C1QTNF3: variants seen among roughly 807,000 people sequenced by gnomAD.
C1QTNF3 encodes the protein C1q and TNF related 3.
Under a neutral mutation model 32.6 loss-of-function variants are expected in C1QTNF3, and 26 were observed. That is an observed-to-expected ratio of 0.80 (90% confidence interval 0.58 to 1.11). C1QTNF3 has a LOEUF of 1.11. Among genes scored for constraint, C1QTNF3 ranks in the 50% least tolerant of loss-of-function variants. The pLI, the probability that C1QTNF3 is intolerant of heterozygous loss-of-function variation, is 0.00. For synonymous variants in C1QTNF3, 155 were observed against 146.0 expected, an observed-to-expected ratio of 1.06 and a Z score of -0.44; for missense variants, 362 against 398.2, an observed-to-expected ratio of 0.91 and a Z score of 0.77.
chr5:34,047,106 C>T (rs2112131381), upstream of C1QTNF3, among the ~76,000 whole-genome samples: 1 of 152,288 alleles, frequency 6.6e-6, no homozygotes, highest in Non-Finnish European at 1.5e-5. Context: ...CTAGAATCTG[C>T]CCCAGGCAAC....
chr5:34,070,205 G>T, the C1QTNF3 span, among the ~76,000 whole-genome samples: 2 of 151,962 alleles, frequency 1.3e-5, no homozygotes, highest in Non-Finnish European at 2.9e-5. Context: ...CTTCTATCTC[G>T]TTGGAGTGAA....
the C1QTNF3 span, among the ~76,000 whole-genome samples, chr5:34,243,909 T>C: frequency 6.6e-6 from 1 of 152,014 alleles, no homozygotes; most frequent in Admixed American, 6.6e-5. Context: ...AATCTGCATA[T>C]GCACTATCTG....
the C1QTNF3 span, among the ~76,000 whole-genome samples, chr5:34,164,166 G>A: frequency 1.3e-5 from 2 of 152,130 alleles, no homozygotes; most frequent in African/African-American, 4.8e-5. Flanking sequence ...TGAGTTGGCA[G>A]GTGGTTAAAG....
At chr5:34,101,186 A>C in the C1QTNF3 span, among the ~76,000 whole-genome samples, 1 of 151,922 alleles carries the variant, frequency 6.6e-6, no homozygotes, top group Non-Finnish European at 1.5e-5. Flanking sequence ...TAATTAGTCA[A>C]TATATCAACC....
the C1QTNF3 span, among the ~76,000 whole-genome samples, chr5:34,053,475 CCTGT>C: frequency 6.6e-6 from 1 of 152,216 alleles, no homozygotes; most frequent in Non-Finnish European, 1.5e-5. Flanking sequence ...GAGCCATTTG[CCTGT>C]CTGTCTGCAT....
the C1QTNF3 span, among the ~76,000 whole-genome samples, chr5:34,188,308 C>G: frequency 2.0e-5 from 3 of 152,304 alleles, no homozygotes; most frequent in African/African-American, 7.2e-5. Context: ...AGCCCCCACA[C>G]AGAGTCCCCA....
chr5:34,220,396 C>T, the C1QTNF3 span, among the ~76,000 whole-genome samples: 1,645 of 151,858 alleles, frequency 0.011, 32 homozygotes, highest in African/African-American at 0.038. Context: ...TGTCAATGAT[C>T]GTCCTTCTCT....
Position 34,033,327 on chromosome 5 carries a change from G to T in C1QTNF3, c.547C>A (p.Pro183Thr). 2 of 1,613,688 alleles carry T rather than the reference G, an allele frequency of 1.2e-6. No individual in the cohort carries two copies. Among genetic ancestry groups the T allele is most frequent in the Non-Finnish European group, 8.5e-7 (1 of 1,179,838 alleles). The change falls in exon 3 of 6, where the codon CCG becomes ACG. Residue 183 changes from proline (P) to threonine (T), a missense_variant. By Grantham distance (38) the Pro-to-Thr change is conservative. Transcript: ENST00000382065. ...ACCTGAAGTTCTGGTGGAATCCCCG[G>T]GTAGCCCTTCTCTCCTTTGGGGCCA... ...QHGPKGEKGY[P>T]GIPPELQIAF... is the part of the protein sequence containing the mutation.
the C1QTNF3 span, among the ~76,000 whole-genome samples, chr5:34,074,217 C>G: frequency 2.7e-5 from 4 of 148,968 alleles, 1 homozygote; most frequent in African/African-American, 1.0e-4. Flanking sequence ...CACGTGTCTA[C>G]AAGAAAGATA....
chr5:34,104,739 C>A, the C1QTNF3 span, among the ~76,000 whole-genome samples: 1 of 136,922 alleles, frequency 7.3e-6, no homozygotes, highest in Non-Finnish European at 1.5e-5. Flanking sequence ...GATTTCACCA[C>A]GTTGCCAGGC....
At chr5:34,215,827 C>G in the C1QTNF3 span, among the ~76,000 whole-genome samples, 2 of 152,168 alleles carry the variant, frequency 1.3e-5, no homozygotes, top group Non-Finnish European at 2.9e-5. Context: ...TAGATGGGAT[C>G]TCACTATGTT....
At chr5:34,071,785 A>T in the C1QTNF3 span, among the ~76,000 whole-genome samples, 21 of 152,236 alleles carry the variant, frequency 1.4e-4, no homozygotes, top group South Asian at 4.2e-3. Context: ...AGAAGAAAGA[A>T]ATATTGCTGA....
the C1QTNF3 span, among the ~76,000 whole-genome samples, chr5:34,082,635 CA>C: frequency 6.6e-6 from 1 of 151,662 alleles, no homozygotes; most frequent in African/African-American, 2.4e-5. Context: ...GACTTCTGTT[CA>C]AGTACTGTAG....
the C1QTNF3 span, among the ~76,000 whole-genome samples, chr5:34,230,005 A>G: frequency 6.6e-6 from 1 of 152,164 alleles, no homozygotes; most frequent in Non-Finnish European, 1.5e-5. Flanking sequence ...ACACAGAGAG[A>G]AGGAGGCCAT....
chr5:34,145,361 T>A, the C1QTNF3 span, among the ~76,000 whole-genome samples: 2 of 152,040 alleles, frequency 1.3e-5, no homozygotes, highest in Non-Finnish European at 2.9e-5. Flanking sequence ...CAGACTACTA[T>A]GAACAACTCT....
chr5:34,197,545 C>T, the C1QTNF3 span, among the ~76,000 whole-genome samples: 1 of 151,982 alleles, frequency 6.6e-6, no homozygotes, highest in African/African-American at 2.4e-5. Context: ...TTAAAAATTA[C>T]CCTAAAACTT....
At chr5:34,174,840 T>C in the C1QTNF3 span, among the ~76,000 whole-genome samples, 103,455 of 151,750 alleles carry the variant, frequency 0.68, 35,513 homozygotes, top group Non-Finnish European at 0.69. Flanking sequence ...CCTGGGTTCA[T>C]GCCATTTCCT....
the C1QTNF3 span, among the ~76,000 whole-genome samples, chr5:34,071,220 C>G: frequency 1.3e-5 from 2 of 152,120 alleles, no homozygotes; most frequent in African/African-American, 4.8e-5. Context: ...AAACTTTCCA[C>G]CCTATAAGTG....
chr5:34,040,304 G>A (rs530895966), intron 1 of C1QTNF3, among the ~76,000 whole-genome samples: 2 of 152,252 alleles, frequency 1.3e-5, no homozygotes, highest in African/African-American at 4.8e-5. Flanking sequence ...TGCAGATGGA[G>A]GCCTAGGGGT....
Sources: allele counts gnomAD v4.1 joint callset (sites outside exome capture counted in the v4.1 genomes callset), GRCh38; gene constraint gnomAD v4.1.1; transcripts MANE v1.5; gene names NCBI Gene and HGNC (gene_info 2026-07-23, HGNC 2026-07-21).